The following ARB2A variants were observed in gnomAD, a reference collection of about 807,000 sequenced individuals.
ARB2A encodes the protein ARB2 cotranscriptional regulator A.
At chr5:93,671,329 C>T in the ARB2A span, among the ~76,000 whole-genome samples, 3 of 152,036 alleles carry the variant, frequency 2.0e-5, no homozygotes, top group Non-Finnish European at 4.4e-5. Flanking sequence ...GTATAAAATC[C>T]AGCCTTGTTT....
the ARB2A span, among the ~76,000 whole-genome samples, chr5:93,655,399 G>C: frequency 6.6e-6 from 1 of 152,112 alleles, no homozygotes; most frequent in Admixed American, 6.6e-5. Context: ...ACTGTCCTTA[G>C]TATCCATTTT....
chr5:93,889,557 G>C, the ARB2A span, among the ~76,000 whole-genome samples: 1 of 151,776 alleles, frequency 6.6e-6, no homozygotes, highest in Non-Finnish European at 1.5e-5. Flanking sequence ...TGATGTCACT[G>C]GGTCAAACAG....
the ARB2A span, among the ~76,000 whole-genome samples, chr5:94,064,814 C>T: frequency 5.9e-5 from 9 of 152,262 alleles, no homozygotes; most frequent in South Asian, 1.9e-3. Context: ...CACTACTAGA[C>T]CAGATCTAAG....
At chr5:93,841,119 C>T in the ARB2A span, among the ~76,000 whole-genome samples, 1 of 152,118 alleles carries the variant, frequency 6.6e-6, no homozygotes, top group African/African-American at 2.4e-5. Flanking sequence ...GTGTAATATA[C>T]AATGCAAGCA....
the ARB2A span, among the ~76,000 whole-genome samples, chr5:94,020,840 T>C: frequency 2.6e-5 from 4 of 152,272 alleles, no homozygotes; most frequent in South Asian, 8.3e-4. Flanking sequence ...GACTAAAACT[T>C]AAGGAAAAAG....
the ARB2A span, among the ~76,000 whole-genome samples, chr5:93,764,878 G>C: frequency 6.6e-6 from 1 of 152,146 alleles, no homozygotes; most frequent in Non-Finnish European, 1.5e-5. Flanking sequence ...TGGGATGCAA[G>C]GCTGGTTCAA....
At chr5:93,859,220 C>A in the ARB2A span, among the ~76,000 whole-genome samples, 14 of 152,110 alleles carry the variant, frequency 9.2e-5, no homozygotes, top group Non-Finnish European at 1.9e-4. Flanking sequence ...GATGCCTATC[C>A]ACAAAATAAG....
At chr5:93,666,501 T>A in the ARB2A span, among the ~76,000 whole-genome samples, 1 of 150,492 alleles carries the variant, frequency 6.6e-6, no homozygotes, top group Non-Finnish European at 1.5e-5. Context: ...TAGTGCTATA[T>A]CCTTTTTTTT....
chr5:93,662,184 T>C, the ARB2A span, among the ~76,000 whole-genome samples: 1 of 152,160 alleles, frequency 6.6e-6, no homozygotes, highest in South Asian at 2.1e-4. Flanking sequence ...TGAAATCTAG[T>C]TCTTACATAT....
chr5:93,791,827 A>G, the ARB2A span, among the ~76,000 whole-genome samples: 1 of 152,178 alleles, frequency 6.6e-6, no homozygotes, highest in Non-Finnish European at 1.5e-5. Context: ...AGGCGGCCAG[A>G]AGAGAGCAGT....
chr5:93,985,037 T>C, the ARB2A span, among the ~76,000 whole-genome samples: 18 of 152,178 alleles, frequency 1.2e-4, no homozygotes, highest in African/African-American at 4.3e-4. Context: ...TTCTTATACA[T>C]CCTTTTAATG....
At chr5:93,815,611 G>A in the ARB2A span, among the ~76,000 whole-genome samples, 1 of 152,066 alleles carries the variant, frequency 6.6e-6, no homozygotes, top group Admixed American at 6.6e-5. Context: ...CTTTCCCTGA[G>A]AAAGATCCCA....
the ARB2A span, among the ~76,000 whole-genome samples, chr5:93,627,443 G>GTT: frequency 5.1e-4 from 67 of 130,522 alleles, no homozygotes; most frequent in Middle Eastern, 4.0e-3. Context: ...AATGTGTTTT[G>GTT]TTTTTTTTTT....
chr5:93,697,180 C>G, the ARB2A span, among the ~76,000 whole-genome samples: 1 of 151,308 alleles, frequency 6.6e-6, no homozygotes, highest in Non-Finnish European at 1.5e-5. Context: ...ACTTATCTTC[C>G]CATCTGTTCT....
the ARB2A span, among the ~76,000 whole-genome samples, chr5:94,031,131 T>A: frequency 6.6e-6 from 1 of 152,230 alleles, no homozygotes; most frequent in Admixed American, 6.5e-5. Flanking sequence ...TGGAAGCAGC[T>A]TTGGAACTGA....
the ARB2A span, among the ~76,000 whole-genome samples, chr5:93,977,539 T>C: frequency 6.6e-6 from 1 of 152,102 alleles, no homozygotes; most frequent in Non-Finnish European, 1.5e-5. Context: ...ATTCAATAAA[T>C]GGTGCTGGGA....
the ARB2A span, among the ~76,000 whole-genome samples, chr5:93,847,761 G>A: frequency 6.6e-6 from 1 of 152,140 alleles, no homozygotes; most frequent in African/African-American, 2.4e-5. Flanking sequence ...CCATTGTATG[G>A]ATGAAGCACA....
At chr5:93,737,041 T>C in the ARB2A span, 4 of 152,284 alleles carry the variant, frequency 2.6e-5, no homozygotes, top group Admixed American at 1.3e-4. Context: ...GATTTATATG[T>C]AGAAAACCCT....
At chr5:93,705,625 G>A in the ARB2A span, among the ~76,000 whole-genome samples, 1 of 143,100 alleles carries the variant, frequency 7.0e-6, no homozygotes, top group African/African-American at 2.9e-5. Flanking sequence ...GTGTGTGTGT[G>A]TGTGTGTGTG....
Sources: gnomAD v4.1 joint callset for allele counts (sites outside exome capture counted in the v4.1 genomes callset) on GRCh38, gnomAD v4.1.1 for gene constraint, MANE v1.5 for transcripts, NCBI Gene and HGNC (gene_info 2026-07-23, HGNC 2026-07-21) for gene names.